The following APBB2 variants were observed in gnomAD, a reference collection of about 807,000 sequenced individuals.
APBB2 encodes the protein Fe65-like 1.
In APBB2, 38 loss-of-function variants were observed where a neutral mutation model predicts 82.5. The observed-to-expected ratio is 0.46, with a 90% CI of 0.36 to 0.60. The LOEUF (loss-of-function observed/expected upper bound fraction) is 0.60. Among genes scored for constraint, APBB2 ranks in the 20% least tolerant of loss-of-function variants. The probability of loss-of-function intolerance (pLI) is 0.00; values close to 1 mark genes in which losing one functional copy is unlikely to be tolerated. For synonymous variants in APBB2, 341 were observed against 368.2 expected (o/e 0.93, Z 0.85); for missense variants, 772 against 972.3 (o/e 0.79, Z 2.74).
Position 40,946,254 on chromosome 4 carries a change from A to AAAAAAAAAAAAAAC in APBB2, c.836-1182_836-1181insGTTTTTTTTTTTTT, listed in dbSNP as rs1553875174. Among the ~76,000 whole-genome samples the AAAAAAAAAAAAAAC allele has an allele frequency of 2.4e-3, 277 of 114,580 alleles. 23 individuals are homozygous for AAAAAAAAAAAAAAC. The highest frequency in any genetic ancestry group is 4.8e-3 in the Middle Eastern group (1 of 208). 75.2% of individuals were successfully genotyped at this position (114,580 alleles called of 152,430 possible). On this transcript the variant is annotated intron_variant, in intron 6 of 17. Transcript: ENST00000508593. The stretch of plus-strand genomic sequence containing the variant: ...CTCCAAAAAAAAAAAAAAAAAAAAA[A>AAAAAAAAAAAAAAC]CATTCCCAAGGAAAGCAGATTGGAA...
chr4:40,889,334 C>T (rs989481145), intron 12 of APBB2, among the ~76,000 whole-genome samples: 2 of 152,202 alleles, frequency 1.3e-5, no homozygotes, highest in Admixed American at 6.5e-5. Context: ...CGCTAATGCC[C>T]AGCGTTGGTT....
chr4:40,890,660 C>G (rs762119275), intron 11 of APBB2, among the ~76,000 whole-genome samples, 169 bp from the exon 12 acceptor site: 1 of 151,664 alleles, frequency 6.6e-6, no homozygotes, highest in Non-Finnish European at 1.5e-5. Context: ...TGATATCTTT[C>G]AGTTTCCCCT....
rs541196866 is a variant in APBB2 at position 40,865,589 on chromosome 4, G to A, written c.1529+24775C>T. On this transcript the variant is annotated intron_variant, in intron 12 of 17. Transcript: ENST00000508593. ...TTCTGAACCTTGCTTCCTTCACTTA[G>A]CATAATTGTTGAGTGTATCAACAGT... Among the ~76,000 whole-genome samples, 3 of 152,254 alleles carry A rather than the reference G, an allele frequency of 2.0e-5. No individual in the cohort carries two copies. In the East Asian group the frequency reaches 5.8e-4, roughly 29 times the overall value.
intron 17 of APBB2, among the ~76,000 whole-genome samples, chr4:40,820,958 T>C (rs1747714120): frequency 6.6e-6 from 1 of 152,094 alleles, no homozygotes; most frequent in Admixed American, 6.5e-5. Context: ...AACCTCTGCC[T>C]CTCAGGTTCA....
At chr4:40,934,199 G>C (rs1337668425) in intron 10 of APBB2, among the ~76,000 whole-genome samples, 12 of 152,088 alleles carry the variant, frequency 7.9e-5, no homozygotes, top group Non-Finnish European at 5.9e-5. Flanking sequence ...GAACAATAAT[G>C]GTAATTTATT....
In APBB2 at chr4:40,890,498, CACA is replaced by C. The variant is rs1321387462; in HGVS notation, c.1402-10_1402-8del. On this transcript the variant is annotated splice_region_variant and splice_polypyrimidine_tract_variant and intron_variant, in intron 11 of 17. Transcript: ENST00000508593. ...TCAGGTACATGTCTTTCCCCTGGGA[CACA>C]ACGAGAAAACACGCTGTCTTCTTCA... 8.7e-6 allele frequency: 14 copies of C among 1,613,530 alleles called. No homozygotes were observed. Among genetic ancestry groups the C allele is most frequent in the Admixed American group, 1.7e-5 (1 of 59,946 alleles).
intron 6 of APBB2, among the ~76,000 whole-genome samples, chr4:40,998,992 T>C (rs1181152256): frequency 6.6e-6 from 1 of 152,150 alleles, no homozygotes; most frequent in Non-Finnish European, 1.5e-5. Context: ...AGTTTATTTC[T>C]AGAATTTTCC....
chr4:40,994,894 G>T (rs914424787), intron 6 of APBB2, among the ~76,000 whole-genome samples: 1 of 150,102 alleles, frequency 6.7e-6, no homozygotes, highest in Non-Finnish European at 1.5e-5. Flanking sequence ...AGGAGGGAAA[G>T]AAATAAAGAA....
At chr4:41,047,510 C>T (rs182421523) in intron 4 of APBB2, among the ~76,000 whole-genome samples, 1 of 152,340 alleles carries the variant, frequency 6.6e-6, no homozygotes, top group Non-Finnish European at 1.5e-5. Context: ...TTCCTTTGGG[C>T]TAAATACAAA....
intron 12 of APBB2, chr4:40,856,885 G>T: frequency 1.1e-6 from 1 of 938,476 alleles, no homozygotes; most frequent in South Asian, 4.9e-5. Context: ...CGCTGACTCG[G>T]GGAAGGGAGG....
At chr4:40,954,458 G>A (rs1467361732) in intron 6 of APBB2, among the ~76,000 whole-genome samples, 1 of 152,144 alleles carries the variant, frequency 6.6e-6, no homozygotes, top group Non-Finnish European at 1.5e-5. Context: ...CTGGTTTAAA[G>A]CTAGGGGTGC....
intron 6 of APBB2, among the ~76,000 whole-genome samples, chr4:40,982,221 G>GAAAGAAAAGAAAGAAA (rs766666523): frequency 7.7e-5 from 1 of 12,906 alleles, no homozygotes; most frequent in African/African-American, 3.3e-4. Context: ...AGAAAAGAAA[G>GAAAGAAAAGAAAGAAA]GAAAGAAAGA....
chr4:41,156,418 C>G (rs929993047), intron 1 of APBB2, among the ~76,000 whole-genome samples: 1 of 152,172 alleles, frequency 6.6e-6, no homozygotes, highest in Non-Finnish European at 1.5e-5. Flanking sequence ...CACCGGGGGT[C>G]GAGGGAAGAA....
At chr4:41,164,668 T>C (rs576760253) in intron 1 of APBB2, among the ~76,000 whole-genome samples, 25 of 152,242 alleles carry the variant, frequency 1.6e-4, no homozygotes, top group Non-Finnish European at 3.1e-4. Context: ...ATATCACTTC[T>C]CGTTAAATGT....
chr4:41,101,442 AC>A (rs1419228387), intron 2 of APBB2, among the ~76,000 whole-genome samples: 1 of 124,248 alleles, frequency 8.0e-6, no homozygotes, highest in Non-Finnish European at 1.6e-5. Flanking sequence ...CCGCAGTCCG[AC>A]CTGGGCGACA....
rs368233223 is a variant in APBB2, at chr4:40,827,957, GGTGA to G, written c.1645-742_1645-739del. ...TTTTCCCCCATACTGTTCTCGTGGT[GGTGA>G]GTAAGTCCCACAAGAGCTGATGGTT... On this transcript the variant is annotated intron_variant, in intron 13 of 17. Coordinates refer to ENST00000508593, the MANE Select transcript of APBB2 (RefSeq NM_004307.2). Among the ~76,000 whole-genome samples the G allele has an allele frequency of 5.9e-4, 90 of 152,236 alleles. 1 individual carries two copies. In the South Asian group the frequency reaches 0.018, roughly 31 times the overall value.
At chr4:40,887,938 G>C (rs1367233288) in intron 12 of APBB2, among the ~76,000 whole-genome samples, 1 of 152,176 alleles carries the variant, frequency 6.6e-6, no homozygotes, top group Admixed American at 6.5e-5. Flanking sequence ...TTTCATCAGG[G>C]AGTAGGAAGC....
chr4:40,866,103 C>T (rs538228649), intron 12 of APBB2, among the ~76,000 whole-genome samples: 4 of 152,314 alleles, frequency 2.6e-5, no homozygotes, highest in South Asian at 2.1e-4. Context: ...CCCACTCTTA[C>T]GTATTTACCC....
At chr4:40,822,120 G>A in intron 16 of APBB2, 70 bp from the exon 17 acceptor site, 1 of 1,558,168 alleles carries the variant, frequency 6.4e-7, no homozygotes, top group Non-Finnish European at 8.8e-7. Context: ...CAGCACATAG[G>A]AACTGGCATT....
Sources: allele counts gnomAD v4.1 joint callset (sites outside exome capture counted in the v4.1 genomes callset), GRCh38; gene constraint gnomAD v4.1.1; transcripts MANE v1.5; gene names NCBI Gene and HGNC (gene_info 2026-07-23, HGNC 2026-07-21).